RBMS3: variants seen among roughly 807,000 people sequenced by gnomAD.
The protein encoded by RBMS3 is RNA-binding motif, single-stranded-interacting protein 3.
Under a neutral mutation model 66.8 loss-of-function variants are expected in RBMS3, and 27 were observed. The observed-to-expected ratio is 0.40, with a 90% CI of 0.30 to 0.56. RBMS3 has a LOEUF of 0.56. Ranked by LOEUF, RBMS3 falls within the 20% of genes least tolerant of loss-of-function variation. The pLI, the probability that RBMS3 is intolerant of heterozygous loss-of-function variation, is 0.40. For synonymous variants in RBMS3, 188 were observed against 183.0 expected, an observed-to-expected ratio of 1.03 and a Z score of -0.22; for missense variants, 513 against 549.5, an observed-to-expected ratio of 0.93 and a Z score of 0.66.
At chr3:29,729,773 T>C (rs1307913279) in intron 4 of RBMS3, among the ~76,000 whole-genome samples, 1 of 151,846 alleles carries the variant, frequency 6.6e-6, no homozygotes, top group African/African-American at 2.4e-5. Flanking sequence ...GAAAAACTAC[T>C]TCAAAGTTCA....
At chr3:29,985,711 G>T (rs553555704) in intron 12 of RBMS3, among the ~76,000 whole-genome samples, 1 of 152,124 alleles carries the variant, frequency 6.6e-6, no homozygotes, top group African/African-American at 2.4e-5. Context: ...AGATGAGCCA[G>T]GTACCTCAGT....
rs529572565 is a variant in RBMS3 at position 29,740,934 on chromosome 3, G to A, written c.557+1057G>A. ...CACATGGCTGTAGTCCCAGCTACTC[G>A]GGAGGCTGAGGCAGGAGAATCACTT... On this transcript the variant is annotated intron_variant, in intron 5 of 14. Transcript: ENST00000383767. Among the ~76,000 whole-genome samples, 17 of 151,878 alleles carry A rather than the reference G, an allele frequency of 1.1e-4. No individual in the cohort carries two copies. In the South Asian group the frequency reaches 1.3e-3, roughly 11 times the overall value.
At chr3:29,452,685 T>C (rs1287149334) in intron 2 of RBMS3, among the ~76,000 whole-genome samples, 1 of 152,290 alleles carries the variant, frequency 6.6e-6, no homozygotes, top group Non-Finnish European at 1.5e-5. Context: ...ATCAAATTAT[T>C]TGACATTTAT....
chr3:29,755,687 G>A (rs960870628), intron 5 of RBMS3, among the ~76,000 whole-genome samples: 6 of 152,168 alleles, frequency 3.9e-5, no homozygotes, highest in African/African-American at 7.2e-5. Flanking sequence ...GACAGGGAGA[G>A]ATGCAACCCC....
chr3:29,855,353 A>T (rs1034414866), intron 6 of RBMS3, among the ~76,000 whole-genome samples: 1 of 152,202 alleles, frequency 6.6e-6, no homozygotes, highest in Non-Finnish European at 1.5e-5. Context: ...TTTTCCTATA[A>T]GGAAAGCTTT....
chr3:29,329,760 T>A (rs1432635613), intron 1 of RBMS3, among the ~76,000 whole-genome samples: 6 of 150,672 alleles, frequency 4.0e-5, no homozygotes, highest in African/African-American at 1.2e-4. Flanking sequence ...CTAATGGAAT[T>A]TTTGTTCCTG....
At chr3:29,407,452 A>G (rs1023169904) in intron 1 of RBMS3, among the ~76,000 whole-genome samples, 2 of 152,210 alleles carry the variant, frequency 1.3e-5, no homozygotes, top group African/African-American at 4.8e-5. Context: ...CAATCTACTC[A>G]TGATAATTTG....
intron 1 of RBMS3, among the ~76,000 whole-genome samples, chr3:29,308,185 G>A (rs1239889495): frequency 6.6e-6 from 1 of 151,788 alleles, no homozygotes; most frequent in Non-Finnish European, 1.5e-5. Flanking sequence ...ACAAATAAAT[G>A]TTGAGTTTAA....
Position 29,318,594 on chromosome 3 carries a change from C to G in RBMS3, c.75+36838C>G, listed in dbSNP as rs554175440. On this transcript the variant is annotated intron_variant, in intron 1 of 14. Transcript: ENST00000383767. Reference sequence around the variant, plus strand: ...TTAGCAATTATTTCCGAATGATTACCTTTGAATGATTGGACAGAGTTTATG... The same window carrying G: ...TTAGCAATTATTTCCGAATGATTACGTTTGAATGATTGGACAGAGTTTATG... Among the ~76,000 whole-genome samples, 3 of 151,974 alleles carry G rather than the reference C, an allele frequency of 2.0e-5. No homozygotes were observed. In the East Asian group the frequency reaches 5.8e-4, roughly 30 times the overall value.
intron 4 of RBMS3, among the ~76,000 whole-genome samples, chr3:29,611,306 A>G (rs59005501): frequency 0.014 from 2,203 of 152,064 alleles, 34 homozygotes; most frequent in African/African-American, 0.042. Flanking sequence ...TATTCTTCAA[A>G]CCTGAGTTTT....
intron 4 of RBMS3, among the ~76,000 whole-genome samples, chr3:29,719,514 T>G (rs902349504): frequency 2.0e-5 from 3 of 152,166 alleles, no homozygotes; most frequent in Admixed American, 1.3e-4. Context: ...ATTCCAGGGT[T>G]CCTGCATGTT....
chr3:29,865,115 A>AGGAC (rs2149542778), intron 6 of RBMS3, among the ~76,000 whole-genome samples: 1 of 151,170 alleles, frequency 6.6e-6, no homozygotes, highest in African/African-American at 2.4e-5. Context: ...GGAGGAAGGA[A>AGGAC]GGAAGGAAGG....
chr3:29,354,697 G>A (rs1486624275), intron 1 of RBMS3, among the ~76,000 whole-genome samples: 1 of 152,114 alleles, frequency 6.6e-6, no homozygotes, highest in Non-Finnish European at 1.5e-5. Context: ...ATCAGGCCCT[G>A]CGAACATGAC....
intron 3 of RBMS3, among the ~76,000 whole-genome samples, chr3:29,545,203 A>G (rs1315623520): frequency 6.6e-6 from 1 of 152,200 alleles, no homozygotes; most frequent in African/African-American, 2.4e-5. Flanking sequence ...CTGATGTAGT[A>G]TAATGTCCAT....
intron 3 of RBMS3, among the ~76,000 whole-genome samples, chr3:29,490,137 AAATTTAAAATTTAATTTAAAATTAAATTT>A (rs1559405889): frequency 6.6e-6 from 1 of 151,018 alleles, no homozygotes; most frequent in African/African-American, 2.4e-5. Context: ...TGGATATTTT[AAATTTAAAATTTAATTTAAAATTAAATTT>A]AATTTAAAAT....
rs2031800670 is a variant in RBMS3, at chr3:29,281,722, A to G, written c.41A>G (p.Tyr14Cys). Residue 14 changes from tyrosine (Y) to cysteine (C), a missense_variant, in exon 1 of 15, where the codon TAC (tyrosine) becomes TGC (cysteine). Coordinates refer to ENST00000383767, the MANE Select transcript of RBMS3 (RefSeq NM_001003793.3). ...GATCAGCCACAAATGTACCCCCAGTACACTTACTACTATCCTCATTATCTC... is the reference window on the plus strand; with the variant it reads ...GATCAGCCACAAATGTACCCCCAGTGCACTTACTACTATCCTCATTATCTC... ...RLDQPQMYPQ[Y>C]TYYYPHYLQT... is the part of the protein sequence containing the mutation. 3 of 1,613,590 alleles carry G rather than the reference A, an allele frequency of 1.9e-6. No individual in the cohort carries two copies. The highest frequency in any genetic ancestry group is 2.5e-6 in the Non-Finnish European group (3 of 1,179,718).
At chr3:29,307,092 C>A (rs1180684386) in intron 1 of RBMS3, among the ~76,000 whole-genome samples, 3 of 151,900 alleles carry the variant, frequency 2.0e-5, no homozygotes, top group Non-Finnish European at 2.9e-5. Context: ...AAAATTGCTG[C>A]TAGTTCTATG....
At chr3:29,884,422 T>TTCTCTC (rs571002730) in intron 8 of RBMS3, among the ~76,000 whole-genome samples, 1,851 of 41,732 alleles carry the variant, frequency 0.044, 169 homozygotes, top group East Asian at 0.11. Context: ...TTAAACCCTG[T>TTCTCTC]TCTCTCTCTC....
At chr3:29,922,651 A>G (rs2060823262) in intron 10 of RBMS3, among the ~76,000 whole-genome samples, 1 of 152,224 alleles carries the variant, frequency 6.6e-6, no homozygotes, top group Non-Finnish European at 1.5e-5. Context: ...CATATATACT[A>G]TAATTTGAGT....
Sources: gnomAD v4.1 joint callset for allele counts (sites outside exome capture counted in the v4.1 genomes callset) on GRCh38, gnomAD v4.1.1 for gene constraint, MANE v1.5 for transcripts, NCBI Gene and HGNC (gene_info 2026-07-23, HGNC 2026-07-21) for gene names.